PPP2R2C: variants seen among roughly 807,000 people sequenced by gnomAD.
The protein encoded by PPP2R2C is protein phosphatase 2 regulatory subunit Bgamma.
In PPP2R2C, 10 loss-of-function variants were observed where a neutral mutation model predicts 45.3. That is an observed-to-expected ratio of 0.22 (90% CI 0.14 to 0.37). The LOEUF is 0.37. Among genes scored for constraint, PPP2R2C ranks in the 10% least tolerant of loss-of-function variants. PPP2R2C has a pLI of 1.00. For synonymous variants in PPP2R2C, 257 were observed against 245.4 expected, an observed-to-expected ratio of 1.05 and a Z score of -0.44; for missense variants, 308 against 619.7, an observed-to-expected ratio of 0.50 and a Z score of 5.34.
At chr4:6,520,323 C>T (rs1035935107) in intron 2 of PPP2R2C, among the ~76,000 whole-genome samples, 3 of 152,132 alleles carry the variant, frequency 2.0e-5, no homozygotes, top group African/African-American at 2.4e-5. Flanking sequence ...CCAACATTAC[C>T]GCAGGGGGTA....
intron 2 of PPP2R2C, among the ~76,000 whole-genome samples, chr4:6,489,780 C>T (rs773571650): frequency 5.9e-5 from 9 of 152,140 alleles, no homozygotes; most frequent in Non-Finnish European, 7.4e-5. Flanking sequence ...TTGAGATTCA[C>T]AGAGAAGCAC....
intron 5 of PPP2R2C, among the ~76,000 whole-genome samples, chr4:6,365,590 G>C (rs1714230574): frequency 1.3e-5 from 2 of 152,186 alleles, no homozygotes; most frequent in African/African-American, 4.8e-5. Flanking sequence ...AGGGTCCCTT[G>C]GCCCAGCACA....
At chr4:6,508,151 C>A (rs932444554) in intron 2 of PPP2R2C, among the ~76,000 whole-genome samples, 2 of 152,156 alleles carry the variant, frequency 1.3e-5, no homozygotes, top group Non-Finnish European at 2.9e-5. Context: ...TTAGGCAGAA[C>A]TGAGCAGGGC....
At chr4:6,361,589 G>A (rs1713736108) in intron 5 of PPP2R2C, among the ~76,000 whole-genome samples, 1 of 152,262 alleles carries the variant, frequency 6.6e-6, no homozygotes, top group South Asian at 2.1e-4. Flanking sequence ...ATTGAATTTA[G>A]TTAAATTAGA....
chr4:6,383,492 AC>A, intron 1 of PPP2R2C: 1 of 1,199,692 alleles, frequency 8.3e-7, no homozygotes, highest in Non-Finnish European at 1.1e-6. Flanking sequence ...AGTCCTGGCC[AC>A]CTGCTGTCCC....
intron 2 of PPP2R2C, among the ~76,000 whole-genome samples, chr4:6,500,038 C>G (rs1172104887): frequency 6.6e-6 from 1 of 152,234 alleles, no homozygotes; most frequent in African/African-American, 2.4e-5. Flanking sequence ...GAGGAAACTT[C>G]TGGCTTTTTT....
At chr4:6,382,614 G>A (rs1715884642) in intron 1 of PPP2R2C, 5 of 921,582 alleles carry the variant, frequency 5.4e-6, no homozygotes, top group Non-Finnish European at 7.4e-6. Context: ...AAGCCTTGGA[G>A]TTTCTCGTTC....
At chr4:6,530,638 C>T (rs1231738775) in intron 2 of PPP2R2C, among the ~76,000 whole-genome samples, 1 of 152,192 alleles carries the variant, frequency 6.6e-6, no homozygotes, top group Non-Finnish European at 1.5e-5. Context: ...CCCTGGCCCC[C>T]CACAACAGGC....
At chr4:6,445,881 C>T (rs902904890) in intron 1 of PPP2R2C, among the ~76,000 whole-genome samples, 1 of 152,208 alleles carries the variant, frequency 6.6e-6, no homozygotes, top group Admixed American at 6.5e-5. Context: ...CACAGTGTCG[C>T]AGAACATAAC....
intron 1 of PPP2R2C, among the ~76,000 whole-genome samples, chr4:6,404,394 G>A (rs1406515638): frequency 1.3e-5 from 2 of 152,222 alleles, no homozygotes; most frequent in African/African-American, 4.8e-5. Context: ...TATCTCGCCA[G>A]AGGCATGGAA....
chr4:6,372,414 A>G lies in PPP2R2C; in HGVS notation c.625+109T>C, dbSNP rs1714909524. The G allele has an allele frequency of 2.5e-6, 3 of 1,221,632 alleles. No individual in the cohort carries two copies. The South Asian group carries it at 4.2e-5, about 17-fold the overall frequency. The allele number at this position is 1,221,632 out of a possible 1,614,324, so 75.7% of individuals were successfully genotyped here. On this transcript the variant is annotated intron_variant, in intron 5 of 8. Coordinates refer to ENST00000382599, the MANE Select transcript of PPP2R2C (RefSeq NM_020416.4). ...AGAGGTGCCTCACTGAAGAAGTTAA[A>G]CAATGCAGCCATCCCCAAACCAGCT...
chr4:6,347,480 G>A (rs1314151402), intron 6 of PPP2R2C, among the ~76,000 whole-genome samples: 2 of 152,140 alleles, frequency 1.3e-5, no homozygotes, highest in Admixed American at 1.3e-4. Context: ...GGGAAGCTTT[G>A]GGGGCTGCAG....
At chr4:6,501,161 G>A (rs1378227501) in intron 2 of PPP2R2C, among the ~76,000 whole-genome samples, 1 of 152,186 alleles carries the variant, frequency 6.6e-6, no homozygotes, top group Non-Finnish European at 1.5e-5. Context: ...CTCTGCATTT[G>A]CTCTGTGCCT....
chr4:6,450,224 G>A (rs1470133872), intron 1 of PPP2R2C, among the ~76,000 whole-genome samples: 1 of 12,172 alleles, frequency 8.2e-5, no homozygotes, highest in East Asian at 0.25. Flanking sequence ...CTATGGGGTG[G>A]AGTGGGGGGG....
chr4:6,399,450 A>G (rs1422953949), intron 1 of PPP2R2C, among the ~76,000 whole-genome samples: 1 of 152,244 alleles, frequency 6.6e-6, no homozygotes, highest in Non-Finnish European at 1.5e-5. Context: ...AACTAAGATC[A>G]TTGATCAATC....
intron 6 of PPP2R2C, among the ~76,000 whole-genome samples, chr4:6,341,617 C>T (rs1733451724): frequency 6.6e-6 from 1 of 152,130 alleles, no homozygotes; most frequent in Non-Finnish European, 1.5e-5. Flanking sequence ...AGGGGCTTTG[C>T]AGATGTCATT....
chr4:6,520,940 C>T (rs947530231), intron 2 of PPP2R2C, among the ~76,000 whole-genome samples: 3 of 152,076 alleles, frequency 2.0e-5, no homozygotes, highest in African/African-American at 7.2e-5. Flanking sequence ...TATTCTTTGT[C>T]CATTGTTCTT....
At chr4:6,512,524 GTGGTGATGGTGA>G (rs1723673863) in intron 2 of PPP2R2C, among the ~76,000 whole-genome samples, 1 of 105,120 alleles carries the variant, frequency 9.5e-6, no homozygotes, top group Non-Finnish European at 2.0e-5. Context: ...GGTGGTGGTG[GTGGTGATGGTGA>G]TGGTGGTGAT....
intron 1 of PPP2R2C, among the ~76,000 whole-genome samples, chr4:6,386,623 A>G (rs1229195914): frequency 6.6e-6 from 1 of 152,262 alleles, no homozygotes; most frequent in Non-Finnish European, 1.5e-5. Context: ...CTCTTTGGGG[A>G]GAAGTAACAA....
Sources: gnomAD v4.1 joint callset for allele counts (sites outside exome capture counted in the v4.1 genomes callset) on GRCh38, gnomAD v4.1.1 for gene constraint, MANE v1.5 for transcripts, NCBI Gene and HGNC (gene_info 2026-07-23, HGNC 2026-07-21) for gene names.